Variants in HM13 observed in about 807,000 individuals in gnomAD.
The protein encoded by HM13 is histocompatibility minor 13.
In HM13, 18 loss-of-function variants were observed where a neutral mutation model predicts 50.0. The observed-to-expected ratio is 0.36, with a 90% confidence interval of 0.25 to 0.53. HM13 has a LOEUF of 0.53. HM13 is among the 20% of genes least tolerant of loss of function. HM13 has a pLI of 0.90. For synonymous variants in HM13, 197 were observed against 232.6 expected, an observed-to-expected ratio of 0.85 and a Z score of 1.39; for missense variants, 393 against 552.4, an observed-to-expected ratio of 0.71 and a Z score of 2.89.
At chr20:31,549,971 C>T in intron 6 of HM13, 93 bp from the exon 7 acceptor site, 1 of 937,084 alleles carries the variant, frequency 1.1e-6, no homozygotes, top group Non-Finnish European at 1.8e-6. Flanking sequence ...CCTCAGATCC[C>T]AGGCAGCAGC....
intron 7 of HM13, among the ~76,000 whole-genome samples, chr20:31,553,314 A>AT (rs11372748): frequency 2.0e-5 from 3 of 151,116 alleles, no homozygotes; most frequent in Non-Finnish European, 3.0e-5. Context: ...AAAAAAAAAA[A>AT]TGTTGGCCAG....
chr20:31,548,778 A>G (rs1600652509), intron 4 of HM13: 1 of 536,288 alleles, frequency 1.9e-6, no homozygotes, highest in East Asian at 3.0e-5. Flanking sequence ...CTTCCCGCTG[A>G]CACTGTGCCA....
At chr20:31,523,989 C>G (rs1982333841) in intron 1 of HM13, among the ~76,000 whole-genome samples, 1 of 152,212 alleles carries the variant, frequency 6.6e-6, no homozygotes, top group Non-Finnish European at 1.5e-5. Flanking sequence ...GGGGCCTCCT[C>G]ACTCACCTCT....
chr20:31,546,796 C>G (rs1253268901), intron 4 of HM13, among the ~76,000 whole-genome samples: 1 of 150,650 alleles, frequency 6.6e-6, no homozygotes, highest in Non-Finnish European at 1.5e-5. Context: ...GGCGCGGTGG[C>G]TCATGCCTGT....
intron 7 of HM13, among the ~76,000 whole-genome samples, chr20:31,553,640 C>T (rs1984147332): frequency 6.6e-6 from 1 of 152,016 alleles, no homozygotes; most frequent in African/African-American, 2.4e-5. Context: ...TATAACTGCT[C>T]TTCTGCTTGC....
intron 6 of HM13, 51 bp from the exon 7 acceptor site, chr20:31,550,013 C>A (rs111858572): frequency 7.4e-7 from 1 of 1,349,454 alleles, no homozygotes; most frequent in African/African-American, 1.4e-5. Context: ...GCCATTCTTC[C>A]CCCCACAGCC....
chr20:31,565,754 G>A (rs45469292), intron 10 of HM13, among the ~76,000 whole-genome samples: 3,138 of 152,248 alleles, frequency 0.021, 45 homozygotes, highest in Middle Eastern at 0.031. Flanking sequence ...GGGAGCCAGT[G>A]ACCAGCTAGG....
In HM13 at chr20:31,527,519, G is replaced by T. The variant is rs776467412; in HGVS notation, c.219G>T (p.Arg73=). 1 of 1,614,060 alleles carries T rather than the reference G, an allele frequency of 6.2e-7. No individual in the cohort carries two copies. Among genetic ancestry groups the T allele is most frequent in the Non-Finnish European group, 8.5e-7 (1 of 1,179,988 alleles). ...ACATGCCTGAAACAATCACCAGCCG[G>T]GATGCCGCCCGCTTCCCCATCATCG... ...ASDMPETITS[R]DAARFPIIAS... Residue 73 remains arginine, a synonymous_variant, in exon 2 of 13, where the codon CGG becomes CGT. Coordinates refer to ENST00000398174, the MANE Select transcript of HM13 (RefSeq NM_178581.3).
At chr20:31,548,819 C>T (rs1983860981) in intron 4 of HM13, 1 of 592,100 alleles carries the variant, frequency 1.7e-6, no homozygotes, top group Non-Finnish European at 3.0e-6. Flanking sequence ...GGCCTCCATT[C>T]CCTCCTGTAG....
intron 4 of HM13, chr20:31,548,045 A>G: frequency 6.4e-7 from 1 of 1,570,670 alleles, no homozygotes; most frequent in Non-Finnish European, 8.8e-7. Context: ...AAGACATATA[A>G]ATGAGCCTCA....
intron 8 of HM13, among the ~76,000 whole-genome samples, chr20:31,559,156 TCCAC>T: frequency 6.6e-6 from 1 of 152,352 alleles, no homozygotes; most frequent in Non-Finnish European, 1.5e-5. Flanking sequence ...GACCTCGTGA[TCCAC>T]CCACCTCTGC....
Position 31,514,628 on chromosome 20 carries a change from CT to C in HM13, c.79del (p.Ser27ProfsTer99). ...CCCACCAACAGCACTACGCGGCCGCCTTCCACGCCCGAGGGCATCGCGCTGG... is the reference window on the plus strand; with the variant it reads ...CCCACCAACAGCACTACGCGGCCGCCTCCACGCCCGAGGGCATCGCGCTGG... Reference protein sequence around the residue: ...GGPTNSTTRPPSTPEGIALAY... With the variant: ...GGPTNSTTRPXSTPEGIALAY... On this transcript the variant is annotated frameshift_variant, in exon 1 of 13. Coordinates refer to ENST00000398174, the MANE Select transcript of HM13 (RefSeq NM_178581.3). LOFTEE classifies it high-confidence loss of function. This position sits in a 1 kb window ranked among gnomAD's most constrained non-coding sequence, Gnocchi z 4.3. 1 of 1,585,830 alleles carries C rather than the reference CT, an allele frequency of 6.3e-7. No homozygotes were observed. Among genetic ancestry groups the C allele is most frequent in the Non-Finnish European group, 8.6e-7 (1 of 1,167,840 alleles).
chr20:31,525,770 G>A (rs1982447372), intron 1 of HM13, among the ~76,000 whole-genome samples: 2 of 144,998 alleles, frequency 1.4e-5, no homozygotes, highest in South Asian at 4.4e-4. Context: ...AAAAAAAAAA[G>A]AAAAAAAGAA....
chr20:31,538,323 G>A, intron 3 of HM13, 62 bp downstream of exon 3: 1 of 1,613,816 alleles, frequency 6.2e-7, no homozygotes, highest in Non-Finnish European at 8.5e-7. Flanking sequence ...ACAGGGTCTT[G>A]GATGAGAACA....
chr20:31,567,932 GCTT>G lies in HM13; in HGVS notation c.1035-142_1035-140del, dbSNP rs1289628633. The G allele has an allele frequency of 1.0e-5, 7 of 687,660 alleles. No homozygotes were observed. The African/African-American group carries it at 1.3e-4, about 13-fold the overall frequency. The allele number at this position is 687,660 out of a possible 1,614,324, so 42.6% of individuals were successfully genotyped here. Reference sequence around the variant, plus strand: ...TTTTTTCATTCTCCAAATAATATCAGCTTCTTTCCATAAAATCTGGAAGTGCAA... The same window carrying G: ...TTTTTTCATTCTCCAAATAATATCAGCTTTCCATAAAATCTGGAAGTGCAA... On this transcript the variant is annotated intron_variant, in intron 11 of 12. Coordinates refer to ENST00000398174, the MANE Select transcript of HM13 (RefSeq NM_178581.3).
At chr20:31,548,976 T>G (rs2122623252) in intron 4 of HM13, 53 bp from the exon 5 acceptor site, 2 of 1,470,558 alleles carry the variant, frequency 1.4e-6, no homozygotes, top group Non-Finnish European at 1.9e-6. Context: ...GGCTGACAGG[T>G]GGGAGGGGTA....
intron 7 of HM13, among the ~76,000 whole-genome samples, chr20:31,554,054 T>C (rs1262977865): frequency 6.6e-6 from 1 of 152,126 alleles, no homozygotes; most frequent in Non-Finnish European, 1.5e-5. Context: ...AGGCATTAAA[T>C]CTTCAGCCTA....
rs1414013166 is a variant in HM13, at chr20:31,530,446, G to A, written c.282+2864G>A. The stretch of plus-strand genomic sequence containing the variant: ...TTTTTTTGAGACAGAGTCTTTCTCT[G>A]TCGCCAGGCTGGAGTGCAGTGGCGT... On this transcript the variant is annotated intron_variant, in intron 2 of 12. Transcript: ENST00000398174. 2.7e-5 allele frequency among the ~76,000 whole-genome samples: 4 copies of A among 146,770 alleles called. No individual in the cohort carries two copies. The East Asian group carries it at 8.0e-4, about 29-fold the overall frequency.
intron 3 of HM13, 38 bp from the exon 4 acceptor site, chr20:31,544,909 G>A: frequency 1.3e-6 from 2 of 1,567,322 alleles, no homozygotes; most frequent in Non-Finnish European, 1.8e-6. Flanking sequence ...CTGCCCATGG[G>A]GGCTCTGTTT....
Sources: allele counts gnomAD v4.1 joint callset (sites outside exome capture counted in the v4.1 genomes callset), GRCh38; gene constraint gnomAD v4.1.1; non-coding constraint Gnocchi (gnomAD v3.1); transcripts MANE v1.5; gene names NCBI Gene and HGNC (gene_info 2026-07-23, HGNC 2026-07-21).